ACCS: variants seen among roughly 807,000 people sequenced by gnomAD.
The protein encoded by ACCS is 1-aminocyclopropane-1-carboxylate synthase-like protein 1.
A neutral mutation model predicts 59.8 loss-of-function variants in ACCS; 42 were observed. That is an observed-to-expected ratio of 0.70 (90% CI 0.55 to 0.91). The LOEUF (loss-of-function observed/expected upper bound fraction) is 0.91. Among genes scored for constraint, ACCS ranks in the 40% least tolerant of loss-of-function variants. The pLI is 0.00. For synonymous variants in ACCS, 230 were observed against 240.3 expected (o/e 0.96, Z 0.40); for missense variants, 602 against 630.4 (o/e 0.95, Z 0.48).
At chr11:44,079,124 C>G (rs566521070) in intron 9 of ACCS, 1 of 380,420 alleles carries the variant, frequency 2.6e-6, no homozygotes, top group Non-Finnish European at 4.8e-6. Context: ...AACCCTCATA[C>G]AATCCTTACA....
chr11:44,074,738 TTC>T (rs1181366899), intron 5 of ACCS, 57 bp downstream of exon 5: 4 of 117,854 alleles, frequency 3.4e-5, no homozygotes, highest in Non-Finnish European at 4.7e-5. Context: ...CTCCATCTCT[TTC>T]TTTCTTTCTT....
intron 1 of ACCS, 122 bp from the exon 2 acceptor site, chr11:44,067,506 G>C: frequency 9.8e-7 from 1 of 1,022,730 alleles, no homozygotes; most frequent in Non-Finnish European, 1.4e-6. Context: ...GAAGTGATGA[G>C]TGCATAAACC....
intron 4 of ACCS, 144 bp downstream of exon 4, chr11:44,073,661 T>C (rs1953171037): frequency 5.3e-6 from 4 of 750,554 alleles, no homozygotes; most frequent in Non-Finnish European, 6.4e-6. Flanking sequence ...AGTTCTACAA[T>C]GTACAGGACA....
chr11:44,079,651 A>C (rs1175214239), intron 10 of ACCS, 31 bp downstream of exon 10: 9 of 1,575,658 alleles, frequency 5.7e-6, no homozygotes, highest in Non-Finnish European at 7.8e-6. Context: ...TAACTCCCCC[A>C]GTCCCTATTA....
chr11:44,082,785 T>C (rs1340716171), intron 12 of ACCS, among the ~76,000 whole-genome samples: 1 of 152,162 alleles, frequency 6.6e-6, no homozygotes, highest in Non-Finnish European at 1.5e-5. Context: ...AGAGGTGAAG[T>C]TGCCCAAGGA....
chr11:44,077,536 A>C, intron 7 of ACCS, 160 bp downstream of exon 7: 1 of 1,453,922 alleles, frequency 6.9e-7, no homozygotes, highest in Non-Finnish European at 9.0e-7. Context: ...TGGGTTCCCC[A>C]GTGGCTCCAA....
rs2134876000 is a variant in ACCS at position 44,077,904 on chromosome 11, G to A, written c.714G>A (p.Leu238=). 1 of 1,614,050 alleles carries A rather than the reference G, an allele frequency of 6.2e-7. No homozygotes were observed. Among genetic ancestry groups the A allele is most frequent in the Non-Finnish European group, 8.5e-7 (1 of 1,179,976 alleles). The change falls in exon 8 of 15, where the codon CTG becomes CTA. Residue 238 remains leucine, a synonymous_variant. Coordinates refer to ENST00000263776, the MANE Select transcript of ACCS (RefSeq NM_032592.4). ...QLTVEKLEMA[L]REAHSEGVKV... is the part of the protein sequence containing the mutation. The stretch of plus-strand genomic sequence containing the variant: ...CAGTGGAGAAGCTGGAGATGGCCCT[G>A]AGAGAAGCTCACTCTGAGGTCTGGG...
rs1447523181 is a variant in ACCS, at chr11:44,073,518, G to T, written c.419+1G>T. The T allele has an allele frequency of 1.9e-6, 3 of 1,605,286 alleles. No homozygotes were observed. The African/African-American group carries it at 4.0e-5, about 21-fold the overall frequency. ...ATGCTGACTGGAGGGGACATCTGTT[G>T]TAAGTAGTTGCCATAGGGTGAGTTT... On this transcript the variant is annotated splice_donor_variant, in intron 4 of 14. Transcript: ENST00000263776. LOFTEE classifies it high-confidence loss of function.
At chr11:44,071,104 A>AG in intron 2 of ACCS, 152 bp from the exon 3 acceptor site, 1 of 762,440 alleles carries the variant, frequency 1.3e-6, no homozygotes, top group Non-Finnish European at 2.2e-6. Flanking sequence ...GCTGAGCAGA[A>AG]GGCACACCTT....
Position 44,081,231 on chromosome 11 carries a change from A to G in ACCS, c.1022A>G (p.Asp341Gly). Reference protein sequence around the residue: ...RFGTLYTENQDVATAVASLCR... With the variant: ...RFGTLYTENQGVATAVASLCR... ...GGCACGCTGTACACAGAAAACCAGG[A>G]TGTGGCCACTGCCGTGGCTTCCCTC... The change falls in exon 12 of 15, where the codon GAT (aspartate) becomes GGT (glycine). Residue 341 changes from aspartate (D) to glycine (G), a missense_variant. Transcript: ENST00000263776. The G allele has an allele frequency of 6.2e-7, 1 of 1,614,198 alleles. No homozygotes were observed. The highest frequency in any genetic ancestry group is 8.5e-7 in the Non-Finnish European group (1 of 1,180,038).
At position 44,083,310 on chromosome 11, in the gene ACCS, A is replaced by G. The variant is rs144496840; in HGVS notation, c.1253A>G (p.Lys418Arg). 23 of 1,614,016 alleles carry G rather than the reference A, an allele frequency of 1.4e-5. No individual in the cohort carries two copies. The African/African-American group carries it at 2.0e-4, about 14-fold the overall frequency. ...TTCTTCATCTGGGTTGACTTGAGAA[A>G]GGTAATGCTGGTGGAGGTGCGGGCT... ...AGFFIWVDLR[K>R]YLPKGTFEEE... Residue 418 changes from lysine to arginine, a missense_variant and splice_region_variant, in exon 13 of 15, where the codon AAG (lysine) becomes AGG (arginine). Lys to Arg is a conservative substitution (Grantham distance 26). Transcript: ENST00000263776.
chr11:44,077,581 G>A, intron 7 of ACCS: 1 of 1,437,866 alleles, frequency 7.0e-7, no homozygotes, highest in Non-Finnish European at 9.1e-7. Context: ...GGTTGATGTA[G>A]AAGCCAAGAG....
intron 6 of ACCS, 140 bp downstream of exon 6, chr11:44,075,732 G>T: frequency 9.5e-7 from 1 of 1,057,728 alleles, no homozygotes. Context: ...TTGAATAAGT[G>T]GCTTGACAAA....
chr11:44,081,854 C>T (rs942277680), intron 12 of ACCS, among the ~76,000 whole-genome samples: 5 of 152,136 alleles, frequency 3.3e-5, no homozygotes, highest in Non-Finnish European at 5.9e-5. Flanking sequence ...CAAAAAACAG[C>T]AGAAGCTTCT....
intron 12 of ACCS, among the ~76,000 whole-genome samples, chr11:44,081,855 A>G (rs1953653954): frequency 6.6e-6 from 1 of 152,174 alleles, no homozygotes; most frequent in Non-Finnish European, 1.5e-5. Context: ...AAAAAACAGC[A>G]GAAGCTTCTA....
At position 44,083,291 on chromosome 11, in the gene ACCS, A is replaced by G. The variant is rs1202908734; in HGVS notation, c.1234A>G (p.Ile412Val). 6 of 1,614,140 alleles carry G rather than the reference A, an allele frequency of 3.7e-6. No homozygotes were observed. The highest frequency in any genetic ancestry group is 5.1e-6 in the Non-Finnish European group (6 of 1,180,024). ...PFLSRGAGFF[I>V]WVDLRKYLPK... ...CTTGAGTCGTGGGGCTGGCTTCTTC[A>G]TCTGGGTTGACTTGAGAAAGGTAAT... The change falls in exon 13 of 15, where the codon ATC becomes GTC. Residue 412 changes from isoleucine (I) to valine (V), a missense_variant. Ile to Val is a conservative substitution (Grantham distance 29). Coordinates refer to ENST00000263776, the MANE Select transcript of ACCS (RefSeq NM_032592.4).
At chr11:44,079,502 C>A in intron 9 of ACCS, 29 bp from the exon 10 acceptor site, 1 of 1,585,344 alleles carries the variant, frequency 6.3e-7, no homozygotes. Flanking sequence ...CACACTAAGT[C>A]TCTCCTCCCC....
At chr11:44,071,014 C>T (rs1953023521) in intron 2 of ACCS, among the ~76,000 whole-genome samples, 2 of 152,118 alleles carry the variant, frequency 1.3e-5, no homozygotes, top group South Asian at 2.1e-4. Flanking sequence ...GTATCCCTTC[C>T]AGGTGGGGTT....
At position 44,083,406 on chromosome 11, in the gene ACCS, C is replaced by T. The variant is rs1249522505; in HGVS notation, c.1255-18C>T. Reference sequence around the variant, plus strand: ...TGAGGGGTCTCAGCTATGTCCTGAGCCCCTTCCACCCTCTCAGTACCTGCC... The same window carrying T: ...TGAGGGGTCTCAGCTATGTCCTGAGTCCCTTCCACCCTCTCAGTACCTGCC... On this transcript the variant is annotated intron_variant, in intron 13 of 14. Transcript: ENST00000263776. The T allele has an allele frequency of 6.2e-7, 1 of 1,614,044 alleles. No homozygotes were observed. Among genetic ancestry groups the T allele is most frequent in the Non-Finnish European group, 8.5e-7 (1 of 1,179,958 alleles).
Sources: gnomAD v4.1 joint callset for allele counts (sites outside exome capture counted in the v4.1 genomes callset) on GRCh38, gnomAD v4.1.1 for gene constraint, MANE v1.5 for transcripts, NCBI Gene and HGNC (gene_info 2026-07-23, HGNC 2026-07-21) for gene names.